Variants in CASK observed in about 807,000 individuals in gnomAD.
The protein encoded by CASK is peripheral plasma membrane protein CASK.
CASK carries 4 observed loss-of-function variants against 82.9 expected under a neutral mutation model. The observed-to-expected ratio is 0.05, with a 90% CI of 0.02 to 0.11. CASK has a LOEUF of 0.11. CASK is among the 10% of genes least tolerant of loss of function. The pLI is 1.00. For synonymous variants in CASK, 259 were observed against 253.5 expected, an observed-to-expected ratio of 1.02 and a Z score of -0.20; for missense variants, 358 against 720.9, an observed-to-expected ratio of 0.50 and a Z score of 5.76.
chrX:41,850,333 A>T (rs1176850898), intron 2 of CASK, among the ~76,000 whole-genome samples: 1 of 111,788 alleles, frequency 8.9e-6, no homozygotes, highest in African/African-American at 3.3e-5. Flanking sequence ...ATAATGACCT[A>T]TCCAAATAAA....
At chrX:41,572,569 A>G (rs955833261) in intron 15 of CASK, among the ~76,000 whole-genome samples, 20 of 110,540 alleles carry the variant, frequency 1.8e-4, no homozygotes, top group African/African-American at 6.4e-4. Context: ...CCTACATCAT[A>G]TAAGAGCCTT....
chrX:41,733,163 G>A, intron 5 of CASK, among the ~76,000 whole-genome samples: 1 of 75,942 alleles, frequency 1.3e-5, no homozygotes, highest in East Asian at 4.7e-4. Flanking sequence ...GCAACAGAGC[G>A]AGATTCCATC....
chrX:41,593,910 G>A (rs2065781015), intron 12 of CASK, among the ~76,000 whole-genome samples: 1 of 112,345 alleles, frequency 8.9e-6, no homozygotes, highest in Non-Finnish European at 1.9e-5. Flanking sequence ...TGCCTGCAAA[G>A]ATATGCAGGA....
At chrX:41,673,162 G>A (rs1398386055) in intron 5 of CASK, among the ~76,000 whole-genome samples, 1 of 112,500 alleles carries the variant, frequency 8.9e-6, no homozygotes, top group Admixed American at 9.4e-5. Context: ...TTAATAGTAT[G>A]TTGATGATGT....
intron 25 of CASK, among the ~76,000 whole-genome samples, chrX:41,525,023 C>T (rs745915776): frequency 9.0e-6 from 1 of 111,731 alleles, no homozygotes; most frequent in Non-Finnish European, 1.9e-5. Flanking sequence ...GCTTGCTTCA[C>T]GCTATTCCTA....
intron 11 of CASK, among the ~76,000 whole-genome samples, chrX:41,614,574 T>C (rs868229294): frequency 3.1e-4 from 33 of 106,526 alleles, no homozygotes; most frequent in Non-Finnish European, 5.8e-4. Flanking sequence ...CAGGCTGGAG[T>C]GTAGTGGCAT....
intron 15 of CASK, among the ~76,000 whole-genome samples, chrX:41,575,418 G>T (rs1255014472): frequency 3.6e-5 from 4 of 111,453 alleles, no homozygotes; most frequent in Non-Finnish European, 7.5e-5. Flanking sequence ...CAGCTTGAGG[G>T]GAGATATTAG....
intron 11 of CASK, among the ~76,000 whole-genome samples, chrX:41,619,387 C>T (rs1249063042): frequency 9.1e-6 from 1 of 109,868 alleles, no homozygotes; most frequent in East Asian, 2.8e-4. Flanking sequence ...AATCCTCCCA[C>T]CCCAGCCTCT....
intron 24 of CASK, among the ~76,000 whole-genome samples, chrX:41,531,900 T>C (rs2064808659): frequency 8.9e-6 from 1 of 112,457 alleles, no homozygotes; most frequent in Admixed American, 9.4e-5. Context: ...ACAAACTGGC[T>C]TATGGGCCAA....
intron 2 of CASK, among the ~76,000 whole-genome samples, chrX:41,807,572 G>A (rs746697786): frequency 8.1e-5 from 9 of 111,517 alleles, no homozygotes; most frequent in Non-Finnish European, 1.5e-4. Context: ...GTTTTCTGCT[G>A]TTATAACAGA....
intron 1 of CASK, among the ~76,000 whole-genome samples, chrX:41,905,251 C>T (rs975455990): frequency 1.2e-4 from 13 of 111,943 alleles, no homozygotes; most frequent in African/African-American, 4.2e-4. Context: ...TGGGCACATA[C>T]CTAGGAATGG....
At chrX:41,567,407 C>A (rs1458647980) in intron 16 of CASK, among the ~76,000 whole-genome samples, 4 of 112,021 alleles carry the variant, frequency 3.6e-5, no homozygotes, top group Admixed American at 2.8e-4. Context: ...AAACAAAGAA[C>A]CCCATCAAAA....
chrX:41,740,881 TTTTTTA>T (rs1273147329), intron 4 of CASK, among the ~76,000 whole-genome samples: 2 of 112,130 alleles, frequency 1.8e-5, no homozygotes, highest in African/African-American at 3.2e-5. Flanking sequence ...GTTTTGTTTA[TTTTTTA>T]TTTTTATTTT....
intron 8 of CASK, among the ~76,000 whole-genome samples, chrX:41,642,469 T>A (rs1602396591): frequency 8.9e-6 from 1 of 112,285 alleles, no homozygotes; most frequent in Middle Eastern, 4.6e-3. Flanking sequence ...CTCATTATGG[T>A]TTTGATTTGC....
At chrX:41,527,289 A>G (rs1272052626) in intron 25 of CASK, among the ~76,000 whole-genome samples, 1 of 109,342 alleles carries the variant, frequency 9.1e-6, no homozygotes, top group Admixed American at 9.7e-5. Context: ...AGAGAGAGAA[A>G]CAGGGACAGA....
intron 22 of CASK, among the ~76,000 whole-genome samples, chrX:41,538,230 A>C (rs2064902740): frequency 8.9e-6 from 1 of 112,033 alleles, no homozygotes; most frequent in Non-Finnish European, 1.9e-5. Context: ...CCAGAAAAAA[A>C]AGAATAGCTT....
intron 1 of CASK, among the ~76,000 whole-genome samples, chrX:41,894,100 T>A (rs2072228225): frequency 9.0e-6 from 1 of 111,706 alleles, no homozygotes; most frequent in South Asian, 3.7e-4. Flanking sequence ...TTAAATTAGC[T>A]ATTATAAATA....
At chrX:41,844,939 T>G (rs1342789041) in intron 2 of CASK, among the ~76,000 whole-genome samples, 1 of 112,162 alleles carries the variant, frequency 8.9e-6, no homozygotes, top group Non-Finnish European at 1.9e-5. Context: ...TAATTTCTTC[T>G]TTGACCCACT....
In CASK at chrX:41,519,872, C is replaced by A; in HGVS notation, c.*548G>T. Reference sequence around the variant, plus strand: ...TACATAAAGGACTTAAAAAAAAATACTATTCTAAAAAAAAAAAAAGAGAGA... The same window carrying A: ...TACATAAAGGACTTAAAAAAAAATAATATTCTAAAAAAAAAAAAAGAGAGA... On this transcript the variant is annotated 3_prime_UTR_variant, in exon 27 of 27. Coordinates refer to ENST00000378163, the MANE Select transcript of CASK (RefSeq NM_001367721.1). The A allele has an allele frequency of 9.9e-6, 1 of 101,364 alleles. No individual in the cohort carries two copies. The highest frequency in any genetic ancestry group is 3.6e-5 in the African/African-American group (1 of 27,582). The allele number at this position is 101,364 out of a possible 1,213,427, so 8.4% of individuals were successfully genotyped here.
Sources: gnomAD v4.1 joint callset for allele counts (sites outside exome capture counted in the v4.1 genomes callset) on GRCh38, gnomAD v4.1.1 for gene constraint, MANE v1.5 for transcripts, NCBI Gene and HGNC (gene_info 2026-07-23, HGNC 2026-07-21) for gene names.